The following SELENOO variants were observed in gnomAD, a reference collection of about 807,000 sequenced individuals.
SELENOO encodes protein adenylyltransferase SelO, mitochondrial.
A neutral mutation model predicts 58.7 loss-of-function variants in SELENOO; 74 were observed. That is an observed-to-expected ratio of 1.26 (90% CI 1.04 to 1.53). The LOEUF is 1.53. Among genes scored for constraint, SELENOO ranks in the 40% most tolerant of loss-of-function variants. The pLI is 0.00. For synonymous variants in SELENOO, 543 were observed against 453.2 expected (o/e 1.20, Z -2.52); for missense variants, 1,149 against 970.0 (o/e 1.18, Z -2.45).
chr22:50,208,250 T>C (rs976070113), intron 2 of SELENOO, among the ~76,000 whole-genome samples: 92 of 152,100 alleles, frequency 6.0e-4, no homozygotes, highest in African/African-American at 2.2e-3. Context: ...ACCAACATGG[T>C]GAAACCCTGT....
rs149808451 is a variant in SELENOO at position 50,204,061 on chromosome 22, G to C, written c.555-2256G>C. On this transcript the variant is annotated intron_variant, in intron 1 of 8. Transcript: ENST00000380903. ...ATTTCTTCAAAGATGTGGCCAATAA[G>C]CACGTGAAGAGTTTATAACATGAGA... Among the ~76,000 whole-genome samples, 589 of 152,326 alleles carry C rather than the reference G, an allele frequency of 3.9e-3. 4 individuals are homozygous for C. The highest frequency in any genetic ancestry group is 0.013 in the African/African-American group (553 of 41,564).
At chr22:50,205,040 C>T (rs1211624065) in intron 1 of SELENOO, among the ~76,000 whole-genome samples, 2 of 131,666 alleles carry the variant, frequency 1.5e-5, no homozygotes, top group Non-Finnish European at 3.2e-5. Context: ...TAGAGAGCCA[C>T]ATTCATAGAG....
chr22:50,211,356 G>A (rs371640569), intron 5 of SELENOO, among the ~76,000 whole-genome samples: 16 of 152,166 alleles, frequency 1.1e-4, no homozygotes, highest in East Asian at 3.8e-4. Context: ...TTTCAGTTCC[G>A]TGGGGTGTAC....
At chr22:50,204,092 C>T (rs967000890) in intron 1 of SELENOO, among the ~76,000 whole-genome samples, 9 of 152,182 alleles carry the variant, frequency 5.9e-5, no homozygotes, top group Admixed American at 5.9e-4. Context: ...TGAGAAGACG[C>T]TCAACGTCAT....
intron 6 of SELENOO, among the ~76,000 whole-genome samples, chr22:50,216,400 AT>A (rs1345757827): frequency 6.6e-6 from 1 of 152,232 alleles, no homozygotes. Flanking sequence ...AGCAGTGCCC[AT>A]CCCACAAGCA....
intron 6 of SELENOO, 106 bp downstream of exon 6, chr22:50,215,973 G>C: frequency 9.8e-7 from 1 of 1,018,100 alleles, no homozygotes; most frequent in East Asian, 2.5e-5. Flanking sequence ...TGGGGCCCAG[G>C]TGGCTGCTCC....
At chr22:50,206,208 C>G (rs889980402) in intron 1 of SELENOO, 109 bp from the exon 2 acceptor site, 2 of 937,574 alleles carry the variant, frequency 2.1e-6, no homozygotes, top group African/African-American at 3.3e-5. Flanking sequence ...CAGGGACGTG[C>G]AAGCTGCTCA....
intron 6 of SELENOO, 21 bp from the exon 7 acceptor site, chr22:50,216,670 G>A (rs2064415163): frequency 6.4e-7 from 1 of 1,565,332 alleles, no homozygotes; most frequent in Non-Finnish European, 8.6e-7. Flanking sequence ...CTACCTCCCA[G>A]ACACCCTGGC....
rs1391794501 is a variant in SELENOO at position 50,206,333 on chromosome 22, A to G, written c.571A>G (p.Lys191Glu). 1.9e-6 allele frequency: 3 copies of G among 1,613,752 alleles called. No homozygotes were observed. The highest frequency in any genetic ancestry group is 1.3e-5 in the African/African-American group (1 of 74,902). The change falls in exon 2 of 9, where the codon AAG becomes GAG. Residue 191 changes from lysine (K) to glutamate (E), a missense_variant. Transcript: ENST00000380903. Reference sequence around the variant, plus strand: ...TGGTTTCAGACAGGCCGACGGTCGCAAGGTCCTACGGTCAAGCATCCGGGA... The same window carrying G: ...TGGTTTCAGACAGGCCGACGGTCGCGAGGTCCTACGGTCAAGCATCCGGGA... ...TPFSRQADGR[K>E]VLRSSIREFL... is the part of the protein sequence containing the mutation.
chr22:50,203,733 T>C (rs2064315938), intron 1 of SELENOO, among the ~76,000 whole-genome samples: 1 of 152,146 alleles, frequency 6.6e-6, no homozygotes, highest in South Asian at 2.1e-4. Flanking sequence ...GACCTAAACA[T>C]AAGAGCTAAA....
chr22:50,211,681 C>T (rs996294905), intron 5 of SELENOO, among the ~76,000 whole-genome samples: 3 of 152,110 alleles, frequency 2.0e-5, no homozygotes, highest in African/African-American at 7.2e-5. Flanking sequence ...TTACTTGGTC[C>T]TTTTAATATG....
chr22:50,217,128 G>C lies in SELENOO; in HGVS notation c.1845G>C (p.Glu615Asp). ...IEAAERGDFS[E>D]VRRVLKLLET... ...CTGCCGAGCGCGGGGACTTCTCAGA[G>C]GCAAGCACACGCCTGTCCCTGTGGT... The change falls in exon 8 of 9, where the codon GAG (glutamate) becomes GAC (aspartate). Residue 615 changes from glutamate to aspartate, a missense_variant and splice_region_variant. Coordinates refer to ENST00000380903, the MANE Select transcript of SELENOO (RefSeq NM_031454.2). 1 of 1,612,752 alleles carries C rather than the reference G, an allele frequency of 6.2e-7. No individual in the cohort carries two copies. The highest frequency in any genetic ancestry group is 8.5e-7 in the Non-Finnish European group (1 of 1,179,720).
rs79379438 is a variant in SELENOO, at chr22:50,210,030, G to A, written c.940-151G>A. Reference sequence around the variant, plus strand: ...TTCATCGCCACCTTGTGGTTGAGGCGGTGACAGGACATCAGGAAGATCGCC... The same window carrying A: ...TTCATCGCCACCTTGTGGTTGAGGCAGTGACAGGACATCAGGAAGATCGCC... On this transcript the variant is annotated intron_variant, in intron 3 of 8. Transcript: ENST00000380903. 322 of 843,840 alleles carry A rather than the reference G, an allele frequency of 3.8e-4. No homozygotes were observed. The African/African-American group carries it at 4.5e-3, about 12-fold the overall frequency. The allele number at this position is 843,840 out of a possible 1,614,324, so 52.3% of individuals were successfully genotyped here.
Position 50,208,634 on chromosome 22 carries a change from A to G in SELENOO, c.857A>G (p.Tyr286Cys), listed in dbSNP as rs755140177. The change falls in exon 3 of 9, where the codon TAT becomes TGT. Residue 286 changes from tyrosine (Y) to cysteine (C), a missense_variant. Coordinates refer to ENST00000380903, the MANE Select transcript of SELENOO (RefSeq NM_031454.2). Reference protein sequence around the residue: ...RNDIRVQLLDYVISSFYPEIQ... With the variant: ...RNDIRVQLLDCVISSFYPEIQ... ...GACATTCGAGTGCAGCTGCTCGACT[A>G]TGTCATCAGCTCCTTTTACCCCGAG... 13 of 1,613,762 alleles carry G rather than the reference A, an allele frequency of 8.1e-6. No homozygotes were observed. The highest frequency in any genetic ancestry group is 3.3e-5 in the South Asian group (3 of 91,070).
rs369754575 is a variant in SELENOO, at chr22:50,210,943, G to A, written c.1351+32G>A. On this transcript the variant is annotated intron_variant, in intron 5 of 8. Coordinates refer to ENST00000380903, the MANE Select transcript of SELENOO (RefSeq NM_031454.2). Reference sequence around the variant, plus strand: ...GACCCAGCCGTGCCCACAGCAAGGCGCCTCCCGTGCTGTTGTGCTTAGAGA... The same window carrying A: ...GACCCAGCCGTGCCCACAGCAAGGCACCTCCCGTGCTGTTGTGCTTAGAGA... 375 of 1,611,464 alleles carry A rather than the reference G, an allele frequency of 2.3e-4. 4 individuals are homozygous for A. The South Asian group carries it at 3.1e-3, about 13-fold the overall frequency.
chr22:50,209,666 C>T (rs2064355150), intron 3 of SELENOO: 1 of 154,462 alleles, frequency 6.5e-6, no homozygotes. Flanking sequence ...GGTGTCAGGC[C>T]TGTGTTCAGC....
intron 4 of SELENOO, 100 bp from the exon 5 acceptor site, chr22:50,210,531 C>T (rs2064361964): frequency 6.4e-7 from 1 of 1,554,794 alleles, no homozygotes; most frequent in Non-Finnish European, 8.8e-7. Flanking sequence ...GAGCCACGGC[C>T]ACTTGGGACC....
chr22:50,214,123 A>C (rs1008462562), intron 5 of SELENOO, among the ~76,000 whole-genome samples: 2 of 151,944 alleles, frequency 1.3e-5, no homozygotes, highest in Non-Finnish European at 2.9e-5. Flanking sequence ...TTTTATCCAT[A>C]TATAATGCTG....
rs762177342 is a variant in SELENOO, at chr22:50,210,760, G to A, written c.1200G>A (p.Glu400=). 1.9e-6 allele frequency: 3 copies of A among 1,613,776 alleles called. No individual in the cohort carries two copies. The highest frequency in any genetic ancestry group is 1.7e-6 in the Non-Finnish European group (2 of 1,180,018). The change falls in exon 5 of 9, where the codon GAG becomes GAA. Residue 400 remains glutamate, a synonymous_variant. Transcript: ENST00000380903. Reference sequence around the variant, plus strand: ...CCCTGCAGCCGGAACTGCCCCTGGAGCTGGGGGAGGCCATCCTGGCCGAGG... The same window carrying A: ...CCCTGCAGCCGGAACTGCCCCTGGAACTGGGGGAGGCCATCCTGGCCGAGG... The part of the protein sequence containing the change: ...AEALQPELPL[E]LGEAILAEEF...
Sources: gnomAD v4.1 joint callset for allele counts (sites outside exome capture counted in the v4.1 genomes callset) on GRCh38, gnomAD v4.1.1 for gene constraint, MANE v1.5 for transcripts, NCBI Gene and HGNC (gene_info 2026-07-23, HGNC 2026-07-21) for gene names.